GRIN2A: variants seen among roughly 807,000 people sequenced by gnomAD.
GRIN2A encodes glutamate ionotropic receptor NMDA type subunit 2A.
A neutral mutation model predicts 113.4 loss-of-function variants in GRIN2A; 22 were observed. That is an observed-to-expected ratio of 0.19 (90% confidence interval 0.14 to 0.28). The LOEUF (loss-of-function observed/expected upper bound fraction) is 0.28, where lower values mean the gene tolerates loss of function less well. Ranked by LOEUF, GRIN2A falls within the 10% of genes least tolerant of loss-of-function variation. The probability of loss-of-function intolerance (pLI) is 1.00; values close to 1 mark genes in which losing one functional copy is unlikely to be tolerated. For missense variants in GRIN2A, 1,502 were observed against 1,887.0 expected (o/e 0.80, Z 3.78); for synonymous variants, 827 against 738.4 (o/e 1.12, Z -1.94).
chr16:10,136,679 G>A (rs993704722), intron 2 of GRIN2A, among the ~76,000 whole-genome samples: 2 of 152,140 alleles, frequency 1.3e-5, no homozygotes, highest in Non-Finnish European at 2.9e-5. Context: ...GAAATGTCTT[G>A]AAAGAATAAG....
chr16:10,178,409 A>G (rs1361670703), intron 2 of GRIN2A, among the ~76,000 whole-genome samples: 1 of 152,194 alleles, frequency 6.6e-6, no homozygotes, highest in Non-Finnish European at 1.5e-5. Flanking sequence ...ATCAGCCACT[A>G]TGTGGTCTTG....
chr16:9,957,150 C>T (rs1191972714), intron 2 of GRIN2A, among the ~76,000 whole-genome samples: 2 of 152,172 alleles, frequency 1.3e-5, no homozygotes, highest in African/African-American at 4.8e-5. Flanking sequence ...ACTTCCTCCA[C>T]CCTGGGAATG....
intron 3 of GRIN2A, among the ~76,000 whole-genome samples, chr16:9,896,221 T>C (rs2043802803): frequency 6.6e-6 from 1 of 152,136 alleles, no homozygotes; most frequent in Non-Finnish European, 1.5e-5. Context: ...GGCTAATTCT[T>C]ATATTTTTAG....
At chr16:9,867,282 C>G (rs890851079) in intron 4 of GRIN2A, among the ~76,000 whole-genome samples, 1 of 152,162 alleles carries the variant, frequency 6.6e-6, no homozygotes, top group African/African-American at 2.4e-5. Context: ...AAAAATCTTT[C>G]CTTTTTCCTA....
chr16:10,166,109 C>T (rs1454580775), intron 2 of GRIN2A, among the ~76,000 whole-genome samples: 1 of 152,148 alleles, frequency 6.6e-6, no homozygotes, highest in African/African-American at 2.4e-5. Flanking sequence ...TAAAACAATT[C>T]GCCAGGAAAA....
Position 10,077,748 on chromosome 16 carries a change from C to A in GRIN2A, c.414+102250G>T, listed in dbSNP as rs73510679. ...CTTCTGAAACACACTGGAAAACACC[C>A]CCACCTCAGGGCCTTTGCATATGCT... is the stretch of plus-strand genomic sequence containing the variant. On this transcript the variant is annotated intron_variant, in intron 2 of 12. Coordinates refer to ENST00000330684, the MANE Select transcript of GRIN2A (RefSeq NM_001134407.3). 8.5e-3 allele frequency among the ~76,000 whole-genome samples: 1,291 copies of A among 152,342 alleles called. 22 individuals are homozygous for A. The highest frequency in any genetic ancestry group is 0.029 in the African/African-American group (1,226 of 41,574).
chr16:9,897,440 G>T (rs1320455092), intron 3 of GRIN2A, among the ~76,000 whole-genome samples: 1 of 151,976 alleles, frequency 6.6e-6, no homozygotes. Context: ...AACGGGGCCA[G>T]AATTGTCCAA....
chr16:10,067,770 G>C (rs768425333), intron 2 of GRIN2A, among the ~76,000 whole-genome samples: 1 of 152,118 alleles, frequency 6.6e-6, no homozygotes, highest in Non-Finnish European at 1.5e-5. Context: ...GCAATGTCTG[G>C]ATGCATGAGG....
chr16:9,995,803 A>G (rs1022682980), intron 2 of GRIN2A, among the ~76,000 whole-genome samples: 3 of 152,090 alleles, frequency 2.0e-5, no homozygotes, highest in African/African-American at 4.8e-5. Context: ...GACCCCCTTA[A>G]CACTAGCTTC....
intron 4 of GRIN2A, among the ~76,000 whole-genome samples, chr16:9,854,269 G>A (rs1347699288): frequency 6.6e-6 from 1 of 152,026 alleles, no homozygotes; most frequent in Non-Finnish European, 1.5e-5. Context: ...TCTCTCCCTT[G>A]CTCTTACTGC....
intron 2 of GRIN2A, among the ~76,000 whole-genome samples, chr16:10,135,774 T>C (rs749043965): frequency 6.6e-6 from 1 of 152,194 alleles, no homozygotes; most frequent in African/African-American, 2.4e-5. Flanking sequence ...TCAGCTCTAC[T>C]CTTAAGGCAT....
chr16:9,882,841 G>C (rs1383481671), intron 4 of GRIN2A, among the ~76,000 whole-genome samples: 1 of 152,204 alleles, frequency 6.6e-6, no homozygotes, highest in Non-Finnish European at 1.5e-5. Context: ...TATACCCTGA[G>C]TTCTAATTAG....
intron 2 of GRIN2A, among the ~76,000 whole-genome samples, chr16:10,061,511 T>C (rs2047550123): frequency 2.0e-5 from 3 of 152,198 alleles, no homozygotes; most frequent in Admixed American, 1.3e-4. Flanking sequence ...TTAAATACAG[T>C]CAACTGTGTG....
chr16:9,930,815 A>G (rs963819680), intron 3 of GRIN2A, among the ~76,000 whole-genome samples: 2 of 152,228 alleles, frequency 1.3e-5, no homozygotes, highest in Admixed American at 6.5e-5. Flanking sequence ...TCATTAAACC[A>G]AGAATTTTTC....
chr16:9,960,386 G>C (rs1348794035), intron 2 of GRIN2A, among the ~76,000 whole-genome samples: 2 of 152,096 alleles, frequency 1.3e-5, no homozygotes, highest in Non-Finnish European at 2.9e-5. Context: ...AAAATACTAA[G>C]AGCGACTGTT....
At chr16:10,074,427 T>C (rs1403135084) in intron 2 of GRIN2A, among the ~76,000 whole-genome samples, 1 of 152,226 alleles carries the variant, frequency 6.6e-6, no homozygotes, top group East Asian at 1.9e-4. Context: ...ATAACTTGTA[T>C]GTAAGTGTTC....
chr16:9,841,341 T>C (rs2042675321), intron 5 of GRIN2A, among the ~76,000 whole-genome samples: 1 of 152,206 alleles, frequency 6.6e-6, no homozygotes, highest in Non-Finnish European at 1.5e-5. Flanking sequence ...CTAAGCACTA[T>C]CCTAAAGGCT....
chr16:10,016,907 CCTCCT>C (rs1303803800), intron 2 of GRIN2A, among the ~76,000 whole-genome samples: 4 of 152,210 alleles, frequency 2.6e-5, no homozygotes, highest in Admixed American at 1.3e-4. Context: ...GCCTCCTACA[CCTCCT>C]CTGCCAAATC....
At chr16:9,937,883 T>G in intron 3 of GRIN2A, 76 bp downstream of exon 3, 1 of 1,012,296 alleles carries the variant, frequency 9.9e-7, no homozygotes, top group Non-Finnish European at 1.6e-6. Flanking sequence ...TTTCCAACAA[T>G]GAGTATGTAA....
Sources: gnomAD v4.1 joint callset for allele counts (sites outside exome capture counted in the v4.1 genomes callset) on GRCh38, gnomAD v4.1.1 for gene constraint, MANE v1.5 for transcripts, NCBI Gene and HGNC (gene_info 2026-07-23, HGNC 2026-07-21) for gene names.